Variants in TNN observed in about 807,000 individuals in gnomAD.
The protein encoded by TNN is tenascin-N.
A neutral mutation model predicts 134.4 loss-of-function variants in TNN; 122 were observed. That is an observed-to-expected ratio of 0.91 (90% CI 0.78 to 1.06). The LOEUF is 1.06. Ranked by LOEUF, TNN falls within the 50% of genes least tolerant of loss-of-function variation. The probability of loss-of-function intolerance (pLI) is 0.00; values close to 1 mark genes in which losing one functional copy is unlikely to be tolerated. For missense variants in TNN, 1,739 were observed against 1,699.4 expected (o/e 1.02, Z -0.41); for synonymous variants, 710 against 670.3 (o/e 1.06, Z -0.91).
chr1:175,092,636 T>A (rs1031761340), intron 6 of TNN, among the ~76,000 whole-genome samples: 8 of 152,172 alleles, frequency 5.3e-5, no homozygotes, highest in Non-Finnish European at 1.2e-4. Flanking sequence ...AAATGTATAG[T>A]CTTTGTTAGA....
In TNN at chr1:175,079,657, C is replaced by G; in HGVS notation, c.734C>G (p.Thr245Arg). 1 of 1,609,002 alleles carries G rather than the reference C, an allele frequency of 6.2e-7. No homozygotes were observed. The highest frequency in any genetic ancestry group is 1.1e-5 in the South Asian group (1 of 90,518). ...TGCAGCGGCCACGGCTTCTGTGACA[C>G]GGGCGAGTGCTACTGCGAGGAGGGC... ...GDCSGHGFCDTGECYCEEGFT... is the reference protein window; with the variant it reads ...GDCSGHGFCDRGECYCEEGFT... Residue 245 changes from threonine to arginine, a missense_variant, in exon 3 of 19, where the codon ACG (threonine) becomes AGG (arginine). Coordinates refer to ENST00000239462, the MANE Select transcript of TNN (RefSeq NM_022093.2).
At chr1:175,122,117 GC>G (rs1314614132) in intron 11 of TNN, among the ~76,000 whole-genome samples, 13 of 151,966 alleles carry the variant, frequency 8.6e-5, no homozygotes, top group Admixed American at 8.5e-4. Context: ...TGGGACAGGT[GC>G]AGTGACTCTC....
intron 14 of TNN, 81 bp downstream of exon 14, chr1:175,128,245 GC>G: frequency 7.8e-7 from 1 of 1,276,278 alleles, no homozygotes; most frequent in Non-Finnish European, 1.1e-6. Flanking sequence ...CCAGGGAGGA[GC>G]AAGTGGATGC....
intron 6 of TNN, among the ~76,000 whole-genome samples, chr1:175,086,123 G>A (rs1432937961): frequency 1.3e-5 from 2 of 152,096 alleles, no homozygotes; most frequent in Non-Finnish European, 2.9e-5. Flanking sequence ...TAGGACATAG[G>A]CACATAGCTC....
intron 12 of TNN, among the ~76,000 whole-genome samples, chr1:175,125,368 A>G (rs886456430): frequency 2.6e-5 from 4 of 152,030 alleles, no homozygotes; most frequent in South Asian, 2.1e-4. Flanking sequence ...TTGGTTAAAA[A>G]AAAAAAGAGC....
chr1:175,097,467 G>T lies in TNN; in HGVS notation c.1639G>T (p.Ala547Ser). ...GACTGACCGGGTGACTGAGAATACC[G>T]CCACCATCTCCTGGGACCCGGTACA... Reference protein sequence around the residue: ...LVTDRVTENTATISWDPVQAT... With the variant: ...LVTDRVTENTSTISWDPVQAT... Residue 547 changes from alanine to serine, a missense_variant, in exon 8 of 19, where the codon GCC (alanine) becomes TCC (serine). Transcript: ENST00000239462. 1.2e-6 allele frequency: 2 copies of T among 1,614,166 alleles called. No individual in the cohort carries two copies. Among genetic ancestry groups the T allele is most frequent in the Non-Finnish European group, 1.7e-6 (2 of 1,180,042 alleles).
chr1:175,111,147 G>A (rs187233915), intron 9 of TNN, among the ~76,000 whole-genome samples: 6 of 152,226 alleles, frequency 3.9e-5, no homozygotes, highest in African/African-American at 7.2e-5. Context: ...GTGAAACTCC[G>A]TCTCTACTAT....
At chr1:175,110,883 T>G (rs7540930) in intron 9 of TNN, among the ~76,000 whole-genome samples, 79,907 of 152,088 alleles carry the variant, frequency 0.53, 24,173 homozygotes, top group African/African-American at 0.83. Flanking sequence ...TTTTAGAATT[T>G]TTTTTTCTAG....
chr1:175,144,114 A>C (rs116019832), intron 17 of TNN, among the ~76,000 whole-genome samples: 1,589 of 152,090 alleles, frequency 0.01, 34 homozygotes, highest in African/African-American at 0.036. Context: ...TTATGTTTGG[A>C]TATTTGATCT....
intron 12 of TNN, 78 bp from the exon 13 acceptor site, chr1:175,126,877 A>T: frequency 6.7e-7 from 1 of 1,494,970 alleles, no homozygotes; most frequent in South Asian, 1.3e-5. Flanking sequence ...AAAGGGGAAA[A>T]TATAAACTGA....
At chr1:175,123,334 G>A in intron 11 of TNN, 66 bp from the exon 12 acceptor site, 1 of 1,539,046 alleles carries the variant, frequency 6.5e-7, no homozygotes, top group South Asian at 1.2e-5. Context: ...TCCTGGTGAT[G>A]AGGTGGTAAG....
chr1:175,081,296 T>C (rs1674193762), intron 4 of TNN, among the ~76,000 whole-genome samples: 1 of 152,242 alleles, frequency 6.6e-6, no homozygotes, highest in South Asian at 2.1e-4. Flanking sequence ...TCTTGTCTCC[T>C]CGTGAACATT....
chr1:175,140,872 T>C (rs1235371373), intron 17 of TNN, among the ~76,000 whole-genome samples: 1 of 152,218 alleles, frequency 6.6e-6, no homozygotes, highest in Non-Finnish European at 1.5e-5. Flanking sequence ...TTTCAGAATT[T>C]AGAAAGCTCC....
chr1:175,101,990 A>C (rs182085694), intron 9 of TNN, among the ~76,000 whole-genome samples: 30 of 143,458 alleles, frequency 2.1e-4, no homozygotes, highest in African/African-American at 7.6e-4. Flanking sequence ...AGCTAGATAC[A>C]GAGTGTCGAT....
At chr1:175,079,197 G>A in intron 2 of TNN, 136 bp from the exon 3 acceptor site, 5 of 1,131,192 alleles carry the variant, frequency 4.4e-6, no homozygotes, top group African/African-American at 1.6e-5. Context: ...AAAAATAGCC[G>A]TGCAAGACCC....
chr1:175,077,886 A>G, intron 2 of TNN, 59 bp downstream of exon 2: 1 of 1,525,096 alleles, frequency 6.6e-7, no homozygotes, highest in Non-Finnish European at 8.9e-7. Flanking sequence ...ATTATGTGCC[A>G]GGGTTTCCAC....
At chr1:175,121,816 G>C (rs1558367441) in intron 11 of TNN, among the ~76,000 whole-genome samples, 1 of 152,162 alleles carries the variant, frequency 6.6e-6, no homozygotes, top group Non-Finnish European at 1.5e-5. Flanking sequence ...TGAGAGGGGA[G>C]ACTGAGAAAT....
intron 15 of TNN, among the ~76,000 whole-genome samples, chr1:175,131,968 C>T (rs1162689201): frequency 6.9e-6 from 1 of 145,890 alleles, no homozygotes; most frequent in African/African-American, 2.6e-5. Context: ...CGCTGGAAAG[C>T]TCCTATCAAG....
chr1:175,128,746 T>A lies in TNN; in HGVS notation c.3330T>A (p.Ile1110=). ...TGGAAACGGACGGAGGTGGCTGGATTGTGAGTCACGCAGAACCCTGGGGAG... is the reference window on the plus strand; with the variant it reads ...TGGAAACGGACGGAGGTGGCTGGATAGTGAGTCACGCAGAACCCTGGGGAG... ...CDMETDGGGW[I]VFQRRNTGQL... is the part of the protein sequence containing the mutation. The change falls in exon 15 of 19, where the codon ATT becomes ATA. Residue 1110 remains isoleucine (I), a splice_region_variant and synonymous_variant. Coordinates refer to ENST00000239462, the MANE Select transcript of TNN (RefSeq NM_022093.2). 6.2e-7 allele frequency: 1 copy of A among 1,612,090 alleles called. No individual in the cohort carries two copies.
Sources: allele counts gnomAD v4.1 joint callset (sites outside exome capture counted in the v4.1 genomes callset), GRCh38; gene constraint gnomAD v4.1.1; transcripts MANE v1.5; gene names NCBI Gene and HGNC (gene_info 2026-07-23, HGNC 2026-07-21).